Variants in GALNTL6 observed in about 807,000 individuals in gnomAD.
GALNTL6 encodes polypeptide N-acetylgalactosaminyltransferase-like 6.
In GALNTL6, 46 loss-of-function variants were observed where a neutral mutation model predicts 73.7. The ratio of observed to expected loss-of-function variants is 0.62; its 90% CI spans 0.49 to 0.80. The LOEUF (loss-of-function observed/expected upper bound fraction) is 0.80, where lower values mean the gene tolerates loss of function less well. Ranked by LOEUF, GALNTL6 falls within the 30% of genes least tolerant of loss-of-function variation. GALNTL6 has a pLI of 0.00. For synonymous variants in GALNTL6, 259 were observed against 263.7 expected (o/e 0.98, Z 0.17); for missense variants, 604 against 755.0 (o/e 0.80, Z 2.34).
At chr4:172,168,085 T>C (rs1734689595) in intron 2 of GALNTL6, among the ~76,000 whole-genome samples, 1 of 152,184 alleles carries the variant, frequency 6.6e-6, no homozygotes, top group South Asian at 2.1e-4. Context: ...TCACATTTGG[T>C]GAGAACTCTA....
At chr4:172,620,363 G>T (rs1045961389) in intron 5 of GALNTL6, among the ~76,000 whole-genome samples, 4 of 152,044 alleles carry the variant, frequency 2.6e-5, no homozygotes, top group Admixed American at 6.6e-5. Context: ...CATTTTAAAA[G>T]GGTGAAGATT....
intron 2 of GALNTL6, among the ~76,000 whole-genome samples, chr4:172,205,032 T>C (rs1736062200): frequency 6.6e-6 from 1 of 152,244 alleles, no homozygotes; most frequent in Non-Finnish European, 1.5e-5. Context: ...CTAAAAGTTA[T>C]GATTTATTCT....
chr4:172,380,539 C>G, intron 5 of GALNTL6: 1 of 360,102 alleles, frequency 2.8e-6, no homozygotes, highest in Non-Finnish European at 5.5e-6. Context: ...GTTTATATAT[C>G]CTTGTTTTCA....
chr4:172,725,336 A>G (rs1420974127), intron 5 of GALNTL6, among the ~76,000 whole-genome samples: 1 of 152,128 alleles, frequency 6.6e-6, no homozygotes, highest in African/African-American at 2.4e-5. Flanking sequence ...TTCACCTTCT[A>G]CTGTACTCAG....
intron 9 of GALNTL6, among the ~76,000 whole-genome samples, chr4:172,951,622 A>AC (rs1316961545): frequency 6.6e-6 from 1 of 152,260 alleles, no homozygotes; most frequent in Non-Finnish European, 1.5e-5. Context: ...ATTCTTTCCA[A>AC]GATTCTTGTT....
At chr4:172,612,067 G>A (rs1738545528) in intron 5 of GALNTL6, among the ~76,000 whole-genome samples, 1 of 151,988 alleles carries the variant, frequency 6.6e-6, no homozygotes, top group Admixed American at 6.6e-5. Flanking sequence ...AAGCATAAAG[G>A]TATAGGATAA....
chr4:172,929,743 G>A (rs181582623), intron 8 of GALNTL6, among the ~76,000 whole-genome samples: 34 of 152,244 alleles, frequency 2.2e-4, no homozygotes, highest in African/African-American at 7.0e-4. Context: ...ATATCTGGGC[G>A]CCATGGTCCA....
intron 7 of GALNTL6, among the ~76,000 whole-genome samples, chr4:172,825,032 A>T: frequency 6.7e-6 from 1 of 149,730 alleles, no homozygotes. Context: ...CTATGATGCT[A>T]AATCGGTGGG....
intron 4 of GALNTL6, among the ~76,000 whole-genome samples, chr4:172,339,263 A>ACACACT (rs1741467698): frequency 8.1e-5 from 4 of 49,194 alleles, no homozygotes; most frequent in Non-Finnish European, 1.8e-4. Flanking sequence ...CACACCACAC[A>ACACACT]CACACACACA....
At chr4:172,781,265 A>G (rs1307607690) in intron 5 of GALNTL6, among the ~76,000 whole-genome samples, 3 of 152,224 alleles carry the variant, frequency 2.0e-5, no homozygotes, top group Non-Finnish European at 2.9e-5. Flanking sequence ...AATGACCAGT[A>G]AGATACGTTG....
chr4:172,606,605 T>C (rs1368041656), intron 5 of GALNTL6, among the ~76,000 whole-genome samples: 4 of 103,264 alleles, frequency 3.9e-5, no homozygotes, highest in Admixed American at 1.0e-4. Context: ...CATATATACA[T>C]ATATACATAT....
chr4:172,517,288 G>A (rs1309381272), intron 5 of GALNTL6, among the ~76,000 whole-genome samples: 4 of 151,772 alleles, frequency 2.6e-5, no homozygotes, highest in Non-Finnish European at 2.9e-5. Flanking sequence ...TGGCTCACAA[G>A]AAATAGAGGG....
At chr4:172,694,380 T>G (rs1385192645) in intron 5 of GALNTL6, among the ~76,000 whole-genome samples, 2 of 151,992 alleles carry the variant, frequency 1.3e-5, no homozygotes, top group African/African-American at 2.4e-5. Flanking sequence ...CACTTATGAG[T>G]GAGAACATGC....
At chr4:172,048,212 GA>G (rs1742272193) in intron 2 of GALNTL6, among the ~76,000 whole-genome samples, 1 of 152,020 alleles carries the variant, frequency 6.6e-6, no homozygotes, top group African/African-American at 2.4e-5. Flanking sequence ...TACTGCCTCA[GA>G]ACAATAACAT....
chr4:172,520,608 A>G (rs13103453), intron 5 of GALNTL6, among the ~76,000 whole-genome samples: 29,084 of 151,404 alleles, frequency 0.19, 3,019 homozygotes, highest in African/African-American at 0.25. Context: ...CATTGAAAAC[A>G]TTTCTTATTT....
At chr4:172,528,971 G>GTA (rs1470561645) in intron 5 of GALNTL6, among the ~76,000 whole-genome samples, 2 of 5,228 alleles carry the variant, frequency 3.8e-4, no homozygotes, top group Non-Finnish European at 8.0e-4. Flanking sequence ...ATATGTGTGT[G>GTA]TATATTTATA....
intron 5 of GALNTL6, among the ~76,000 whole-genome samples, chr4:172,654,611 T>A (rs1268431146): frequency 1.3e-5 from 2 of 152,150 alleles, no homozygotes; most frequent in African/African-American, 4.8e-5. Flanking sequence ...AATCTGGAAA[T>A]AAAATATTCT....
Position 172,663,976 on chromosome 4 carries a change from C to G in GALNTL6, c.554-145385C>G, listed in dbSNP as rs1017285494. ...AGATGACTTACATGCCCAACTGCCA[C>G]CTGAACACACATCCACACCCAATAT... On this transcript the variant is annotated intron_variant, in intron 5 of 12. Coordinates refer to ENST00000506823, the MANE Select transcript of GALNTL6 (RefSeq NM_001034845.3). 2.7e-5 allele frequency among the ~76,000 whole-genome samples: 4 copies of G among 150,744 alleles called. No individual in the cohort carries two copies. The East Asian group carries it at 7.8e-4, about 29-fold the overall frequency.
intron 8 of GALNTL6, among the ~76,000 whole-genome samples, chr4:172,913,035 G>A (rs1747299166): frequency 6.6e-6 from 1 of 152,140 alleles, no homozygotes; most frequent in Non-Finnish European, 1.5e-5. Flanking sequence ...GAAGGATCAG[G>A]CAGCAACATT....
Sources: gnomAD v4.1 joint callset for allele counts (sites outside exome capture counted in the v4.1 genomes callset) on GRCh38, gnomAD v4.1.1 for gene constraint, MANE v1.5 for transcripts, NCBI Gene and HGNC (gene_info 2026-07-23, HGNC 2026-07-21) for gene names.